The following POU2F1 variants were observed in gnomAD, a reference collection of about 807,000 sequenced individuals.
The protein encoded by POU2F1 is POU domain, class 2, transcription factor 1.
POU2F1 carries 16 observed loss-of-function variants against 84.9 expected under a neutral mutation model. The ratio of observed to expected loss-of-function variants is 0.19; its 90% CI spans 0.13 to 0.29. POU2F1 has a LOEUF of 0.29. Among genes scored for constraint, POU2F1 ranks in the 10% least tolerant of loss-of-function variants. The pLI is 1.00. For missense variants in POU2F1, 738 were observed against 942.6 expected, an observed-to-expected ratio of 0.78 and a Z score of 2.84; for synonymous variants, 368 against 368.3, an observed-to-expected ratio of 1.00 and a Z score of 0.01.
chr1:167,413,195 G>A, intron 15 of POU2F1, 81 bp downstream of exon 15: 1 of 1,234,896 alleles, frequency 8.1e-7, no homozygotes, highest in Non-Finnish European at 1.2e-6. Context: ...GTGTGCTTGA[G>A]ACAGAGATAG....
At chr1:167,362,437 C>T (rs1295905392) in intron 2 of POU2F1, among the ~76,000 whole-genome samples, 2 of 152,212 alleles carry the variant, frequency 1.3e-5, no homozygotes, top group Non-Finnish European at 2.9e-5. Flanking sequence ...AGGCACAGCA[C>T]ACCATGCAGG....
chr1:167,304,150 TTAAATA>T (rs1290760220), intron 1 of POU2F1, among the ~76,000 whole-genome samples: 21 of 152,176 alleles, frequency 1.4e-4, no homozygotes, highest in African/African-American at 5.1e-4. Flanking sequence ...TTTAAGTACT[TTAAATA>T]TAAATGTACG....
At chr1:167,368,975 T>A (rs933659689) in intron 3 of POU2F1, among the ~76,000 whole-genome samples, 4 of 152,176 alleles carry the variant, frequency 2.6e-5, no homozygotes, top group Non-Finnish European at 5.9e-5. Context: ...TCTCTTTTTT[T>A]AATCTAAATC....
At chr1:167,395,021 A>G (rs1648702241) in intron 9 of POU2F1, among the ~76,000 whole-genome samples, 1 of 152,204 alleles carries the variant, frequency 6.6e-6, no homozygotes, top group African/African-American at 2.4e-5. Flanking sequence ...TTAGTTGTAT[A>G]GTACTTTGGA....
chr1:167,382,946 T>A (rs989086310), intron 7 of POU2F1, among the ~76,000 whole-genome samples: 4 of 152,184 alleles, frequency 2.6e-5, no homozygotes, highest in Admixed American at 6.5e-5. Flanking sequence ...GTCCTACATA[T>A]TACAACATTT....
chr1:167,393,559 C>A (rs920808853), intron 9 of POU2F1, among the ~76,000 whole-genome samples: 1 of 151,962 alleles, frequency 6.6e-6, no homozygotes, highest in Non-Finnish European at 1.5e-5. Context: ...AGTGCAGTGG[C>A]ACAATTATAG....
At chr1:167,299,540 G>A (rs972896005) in intron 1 of POU2F1, among the ~76,000 whole-genome samples, 1 of 152,134 alleles carries the variant, frequency 6.6e-6, no homozygotes, top group Non-Finnish European at 1.5e-5. Context: ...TACGTGCAAG[G>A]ACCCTCCTGT....
chr1:167,380,007 C>T (rs977093746), intron 7 of POU2F1: 3 of 152,206 alleles, frequency 2.0e-5, no homozygotes, highest in Non-Finnish European at 4.4e-5. Context: ...CCCTGGACAA[C>T]TCACCTAACC....
intron 9 of POU2F1, 57 bp downstream of exon 9, chr1:167,389,818 G>T (rs1385140378): frequency 6.5e-7 from 1 of 1,546,716 alleles, no homozygotes; most frequent in East Asian, 2.3e-5. Flanking sequence ...AAATACAGTT[G>T]GCTCTCTGTA....
At chr1:167,406,649 T>G (rs1289333050) in intron 13 of POU2F1, among the ~76,000 whole-genome samples, 1 of 152,190 alleles carries the variant, frequency 6.6e-6, no homozygotes, top group Non-Finnish European at 1.5e-5. Flanking sequence ...CTAGGACTAA[T>G]CAATAAATTC....
chr1:167,285,208 G>A (rs1156740783), intron 1 of POU2F1, among the ~76,000 whole-genome samples: 1 of 152,152 alleles, frequency 6.6e-6, no homozygotes, highest in Non-Finnish European at 1.5e-5. Flanking sequence ...GGATTAAAAG[G>A]GAATCACATT....
chr1:167,298,696 A>G (rs151169530), intron 1 of POU2F1, among the ~76,000 whole-genome samples: 2 of 152,238 alleles, frequency 1.3e-5, no homozygotes, highest in East Asian at 3.9e-4. Context: ...GCATTTAGCA[A>G]TTTATTTTTA....
chr1:167,407,663 A>G (rs183894261), intron 13 of POU2F1, among the ~76,000 whole-genome samples: 1 of 152,250 alleles, frequency 6.6e-6, no homozygotes. Flanking sequence ...ACAGTCTTCA[A>G]CAAATGGTTC....
intron 1 of POU2F1, among the ~76,000 whole-genome samples, chr1:167,320,994 T>C (rs1311409676): frequency 6.6e-6 from 1 of 152,232 alleles, no homozygotes; most frequent in Non-Finnish European, 1.5e-5. Context: ...GTATGGTTAC[T>C]TTCTGTGGCA....
intron 2 of POU2F1, among the ~76,000 whole-genome samples, chr1:167,345,072 G>A (rs896254990): frequency 7.2e-5 from 11 of 152,160 alleles, no homozygotes; most frequent in Admixed American, 5.9e-4. Context: ...TGAGGGGAGG[G>A]AACTTAGAGG....
intron 1 of POU2F1, among the ~76,000 whole-genome samples, chr1:167,274,368 CAG>C (rs1652576590): frequency 6.6e-6 from 1 of 152,146 alleles, no homozygotes; most frequent in East Asian, 1.9e-4. Flanking sequence ...AAACTAGTAA[CAG>C]AAATTCACTT....
intron 1 of POU2F1, among the ~76,000 whole-genome samples, chr1:167,286,588 T>C (rs1428295999): frequency 6.6e-6 from 1 of 152,244 alleles, no homozygotes; most frequent in Non-Finnish European, 1.5e-5. Flanking sequence ...TAATAAGTTA[T>C]TGTTTATGCA....
intron 1 of POU2F1, among the ~76,000 whole-genome samples, chr1:167,237,768 ATATATT>A (rs1228316624): frequency 0.038 from 587 of 15,378 alleles, 46 homozygotes; most frequent in African/African-American, 0.093. Context: ...ATATATATAT[ATATATT>A]TTTTTTTTTT....
intron 8 of POU2F1, among the ~76,000 whole-genome samples, chr1:167,385,244 T>TA (rs917092180): frequency 6.6e-6 from 1 of 152,162 alleles, no homozygotes; most frequent in Non-Finnish European, 1.5e-5. Flanking sequence ...AGTTAAATGT[T>TA]AAAATGTCAG....
Sources: allele counts gnomAD v4.1 joint callset (sites outside exome capture counted in the v4.1 genomes callset), GRCh38; gene constraint gnomAD v4.1.1; transcripts MANE v1.5; gene names NCBI Gene and HGNC (gene_info 2026-07-23, HGNC 2026-07-21).